SMIM14: variants seen among roughly 807,000 people sequenced by gnomAD.
SMIM14 encodes the protein small integral membrane protein 14.
In SMIM14, 5 loss-of-function variants were observed where a neutral mutation model predicts 12.6. The ratio of observed to expected loss-of-function variants is 0.40; its 90% CI spans 0.21 to 0.83. SMIM14 has a LOEUF of 0.83. Among genes scored for constraint, SMIM14 ranks in the 40% least tolerant of loss-of-function variants. The pLI is 0.37. For missense variants in SMIM14, 86 were observed against 119.1 expected (o/e 0.72, Z 1.29); for synonymous variants, 30 against 40.1 (o/e 0.75, Z 0.95).
intron 1 of SMIM14, among the ~76,000 whole-genome samples, chr4:39,629,222 G>A (rs1051052519): frequency 2.0e-5 from 3 of 151,352 alleles, no homozygotes; most frequent in African/African-American, 4.8e-5. Context: ...TCAGCTGGGC[G>A]TGGTAGTGCA....
chr4:39,583,663 C>T (rs1713629656), intron 2 of SMIM14, among the ~76,000 whole-genome samples: 1 of 152,072 alleles, frequency 6.6e-6, no homozygotes, highest in South Asian at 2.1e-4. Context: ...CCAATGATAA[C>T]CATTCTGTTA....
At chr4:39,600,040 T>A (rs1451499835) in intron 2 of SMIM14, among the ~76,000 whole-genome samples, 3 of 152,072 alleles carry the variant, frequency 2.0e-5, no homozygotes, top group Non-Finnish European at 4.4e-5. Context: ...GTTACACACA[T>A]GTCAAATTTA....
chr4:39,623,861 G>A (rs982055644), intron 1 of SMIM14, among the ~76,000 whole-genome samples: 3 of 151,384 alleles, frequency 2.0e-5, no homozygotes, highest in Non-Finnish European at 4.4e-5. Context: ...GACTCCATCT[G>A]AAAAAATGAA....
chr4:39,587,925 G>C (rs1230278122), intron 2 of SMIM14: 1 of 152,336 alleles, frequency 6.6e-6, no homozygotes, highest in Non-Finnish European at 1.5e-5. Context: ...CCTCTCAGGA[G>C]GGATGTTCTC....
At chr4:39,638,353 A>G in intron 1 of SMIM14, 1 of 577,886 alleles carries the variant, frequency 1.7e-6, no homozygotes, top group Non-Finnish European at 2.2e-6. Context: ...ACGGTAAACA[A>G]GATAGTGTGG....
At chr4:39,638,462 C>A in intron 1 of SMIM14, 1 of 985,450 alleles carries the variant, frequency 1.0e-6, no homozygotes, top group Non-Finnish European at 1.2e-6. Context: ...AATAAAACCA[C>A]CCGTGGCTAC....
chr4:39,593,172 A>G (rs1222271652), intron 2 of SMIM14: 1 of 152,124 alleles, frequency 6.6e-6, no homozygotes, highest in South Asian at 2.1e-4. Context: ...CTGGCAAACC[A>G]AATCCAGCAG....
At chr4:39,572,372 C>T (rs769446976) in intron 3 of SMIM14, 43 bp downstream of exon 3, 4 of 1,290,100 alleles carry the variant, frequency 3.1e-6, no homozygotes, top group Admixed American at 4.5e-5. Flanking sequence ...GCCTCTAATT[C>T]TGCCCCCAAT....
intron 1 of SMIM14, among the ~76,000 whole-genome samples, chr4:39,606,741 T>C (rs1714827723): frequency 1.3e-5 from 2 of 151,982 alleles, no homozygotes; most frequent in South Asian, 4.1e-4. Flanking sequence ...CTGGCCCAGT[T>C]TACTGCCTCG....
chr4:39,608,537 C>A (rs968645956), intron 1 of SMIM14, among the ~76,000 whole-genome samples: 1 of 151,944 alleles, frequency 6.6e-6, no homozygotes, highest in Admixed American at 6.6e-5. Context: ...CTGAAATTAG[C>A]CAGACAAAAA....
chr4:39,581,250 A>G (rs1713476481), intron 2 of SMIM14, among the ~76,000 whole-genome samples: 2 of 152,220 alleles, frequency 1.3e-5, no homozygotes, highest in East Asian at 3.9e-4. Context: ...ATGCCTAAAC[A>G]TTTTATATTC....
At chr4:39,590,571 G>A (rs957243123) in intron 2 of SMIM14, among the ~76,000 whole-genome samples, 2 of 152,074 alleles carry the variant, frequency 1.3e-5, no homozygotes, top group Middle Eastern at 3.2e-3. Context: ...GGAGGCCAAG[G>A]TGGGCGGATC....
At chr4:39,574,490 A>G (rs1713068490) in intron 2 of SMIM14, among the ~76,000 whole-genome samples, 2 of 151,914 alleles carry the variant, frequency 1.3e-5, no homozygotes, top group Non-Finnish European at 2.9e-5. Context: ...CAATCTGCCC[A>G]CCTCAGCCTC....
chr4:39,603,822 C>A (rs1714705273), intron 2 of SMIM14, among the ~76,000 whole-genome samples: 1 of 150,994 alleles, frequency 6.6e-6, no homozygotes. Context: ...ACCAGCCTGA[C>A]CAACAAGGTG....
intron 4 of SMIM14, among the ~76,000 whole-genome samples, chr4:39,555,660 G>A (rs1166243344): frequency 1.8e-4 from 27 of 152,302 alleles, no homozygotes; most frequent in Admixed American, 1.1e-3. Flanking sequence ...GAATGATTCC[G>A]ACCTCTCCTT....
intron 1 of SMIM14, among the ~76,000 whole-genome samples, chr4:39,614,265 C>T (rs942607775): frequency 6.7e-6 from 1 of 148,390 alleles, no homozygotes; most frequent in Admixed American, 6.7e-5. Flanking sequence ...TGAAATAAAA[C>T]GGACAATAAG....
At chr4:39,583,141 T>C (rs974255783) in intron 2 of SMIM14, among the ~76,000 whole-genome samples, 3 of 152,112 alleles carry the variant, frequency 2.0e-5, no homozygotes, top group African/African-American at 7.3e-5. Context: ...CTGGCTGGTG[T>C]GCAGTGGCAC....
rs923104961 is a variant in SMIM14 at position 39,626,619 on chromosome 4, G to T, written c.-36+12120C>A. ...AGGTAGCTTTTACCATCAAGAGCTT[G>T]CAATCAAGTTAACTGTTAATTTAAA... is the stretch of plus-strand genomic sequence containing the variant. On this transcript the variant is annotated intron_variant, in intron 1 of 4. Transcript: ENST00000295958. Among the ~76,000 whole-genome samples, 5 of 152,286 alleles carry T rather than the reference G, an allele frequency of 3.3e-5. No homozygotes were observed. In the South Asian group the frequency reaches 6.2e-4, roughly 19 times the overall value.
At chr4:39,631,968 G>C (rs569891433) in intron 1 of SMIM14, among the ~76,000 whole-genome samples, 44 of 151,682 alleles carry the variant, frequency 2.9e-4, no homozygotes, top group African/African-American at 1.1e-3. Flanking sequence ...CAATAAGAAG[G>C]TAACTTTCTC....
Sources: gnomAD v4.1 joint callset for allele counts (sites outside exome capture counted in the v4.1 genomes callset) on GRCh38, gnomAD v4.1.1 for gene constraint, MANE v1.5 for transcripts, NCBI Gene and HGNC (gene_info 2026-07-23, HGNC 2026-07-21) for gene names.